Variants in NTN1 observed in about 807,000 individuals in gnomAD.
NTN1 encodes the protein netrin 1.
Under a neutral mutation model 54.2 loss-of-function variants are expected in NTN1, and 11 were observed. The ratio of observed to expected loss-of-function variants is 0.20; its 90% CI spans 0.13 to 0.34. The LOEUF is 0.34. Among genes scored for constraint, NTN1 ranks in the 10% least tolerant of loss-of-function variants. The pLI is 1.00. For missense variants in NTN1, 740 were observed against 893.1 expected (o/e 0.83, Z 2.18); for synonymous variants, 371 against 382.0 (o/e 0.97, Z 0.33).
intron 4 of NTN1, among the ~76,000 whole-genome samples, chr17:9,180,167 T>C (rs564285922): frequency 4.6e-5 from 7 of 152,378 alleles, no homozygotes; most frequent in African/African-American, 1.4e-4. Context: ...GTCTTCCAAG[T>C]AGCTGGAATT....
At position 9,059,266 on chromosome 17, in the gene NTN1, C is replaced by T. The variant is rs553836878; in HGVS notation, c.1018+35875C>T. The stretch of plus-strand genomic sequence containing the variant: ...TACGCAAATCCTCAAAAATCTGAAC[C>T]TAGAATTGCAGTGTGACCCAGCAAT... On this transcript the variant is annotated intron_variant, in intron 2 of 6. Transcript: ENST00000173229. Among the ~76,000 whole-genome samples the T allele has an allele frequency of 1.2e-3, 189 of 152,192 alleles. 1 individual carries two copies. Among genetic ancestry groups the T allele is most frequent in the African/African-American group, 4.3e-3 (179 of 41,508 alleles).
At chr17:9,238,380 G>A (rs1483155719) in intron 6 of NTN1, among the ~76,000 whole-genome samples, 1 of 152,200 alleles carries the variant, frequency 6.6e-6, no homozygotes, top group Non-Finnish European at 1.5e-5. Context: ...CCCAGTGAAG[G>A]CTACAGTGTG....
chr17:9,172,007 C>G (rs8068648), intron 3 of NTN1, among the ~76,000 whole-genome samples: 125,378 of 151,440 alleles, frequency 0.83, 52,063 homozygotes, highest in East Asian at 1. Flanking sequence ...TCCTGCCTCA[C>G]CCTCCCGAGT....
At chr17:9,016,808 T>C (rs1405134209), upstream of NTN1, among the ~76,000 whole-genome samples, 1 of 152,234 alleles carries the variant, frequency 6.6e-6, no homozygotes, top group Non-Finnish European at 1.5e-5. Context: ...CAACTGTCTC[T>C]TTCTCTAGGT....
the NTN1 span, among the ~76,000 whole-genome samples, chr17:9,008,217 C>T: frequency 6.6e-6 from 1 of 152,128 alleles, no homozygotes; most frequent in African/African-American, 2.4e-5. Flanking sequence ...CTGTCCTGTA[C>T]ATGATCTCTG....
intron 2 of NTN1, among the ~76,000 whole-genome samples, chr17:9,064,899 C>A (rs2092009960): frequency 6.6e-6 from 1 of 152,202 alleles, no homozygotes; most frequent in African/African-American, 2.4e-5. Flanking sequence ...GCTGGCACTA[C>A]AGGTGTGCAC....
At chr17:9,172,867 C>G (rs2092390983) in intron 3 of NTN1, 1 of 146,298 alleles carries the variant, frequency 6.8e-6, no homozygotes, top group African/African-American at 2.6e-5. Flanking sequence ...CAAGATTGCA[C>G]CATTGCACTC....
the NTN1 span, among the ~76,000 whole-genome samples, chr17:9,008,315 G>GTTTA: frequency 1.5e-4 from 22 of 151,670 alleles, no homozygotes; most frequent in Admixed American, 6.6e-4. Context: ...TAATTAATTA[G>GTTTA]TTTATTTATT....
chr17:9,078,152 T>C (rs1458601501), intron 2 of NTN1, among the ~76,000 whole-genome samples: 1 of 152,070 alleles, frequency 6.6e-6, no homozygotes, highest in Non-Finnish European at 1.5e-5. Flanking sequence ...GTGTGCTTGG[T>C]GATGGGAGAG....
intron 3 of NTN1, among the ~76,000 whole-genome samples, chr17:9,166,364 T>G: frequency 7.8e-6 from 1 of 127,994 alleles, no homozygotes; most frequent in East Asian, 2.5e-4. Context: ...TTTTTTGAGA[T>G]GGAGTCTCAC....
At chr17:9,102,947 G>A (rs1444503509) in intron 2 of NTN1, among the ~76,000 whole-genome samples, 1 of 152,196 alleles carries the variant, frequency 6.6e-6, no homozygotes, top group Non-Finnish European at 1.5e-5. Flanking sequence ...CACGATATTG[G>A]CTACCCTGGC....
At chr17:9,039,413 G>A (rs10521156) in intron 2 of NTN1, among the ~76,000 whole-genome samples, 25,889 of 152,066 alleles carry the variant, frequency 0.17, 2,434 homozygotes, top group African/African-American at 0.21. Flanking sequence ...AGGGCTTTTA[G>A]GATATCAGAA....
chr17:9,179,368 G>A (rs1305567230), intron 3 of NTN1, among the ~76,000 whole-genome samples: 1 of 152,196 alleles, frequency 6.6e-6, no homozygotes, highest in Non-Finnish European at 1.5e-5. Flanking sequence ...CATGCCCTGG[G>A]TTGGCAAGAA....
chr17:9,230,628 CG>C (rs1905776402), intron 6 of NTN1, among the ~76,000 whole-genome samples: 1 of 152,068 alleles, frequency 6.6e-6, no homozygotes, highest in Non-Finnish European at 1.5e-5. Context: ...GGTGAGAGCC[CG>C]GTGGGGGCAG....
intron 2 of NTN1, among the ~76,000 whole-genome samples, chr17:9,114,166 A>AAATATATATATATATATATATATATAT (rs1555569108): frequency 1.3e-5 from 1 of 74,654 alleles, no homozygotes; most frequent in Non-Finnish European, 2.5e-5. Flanking sequence ...AAAAAAAAAA[A>AAATATATATATATATATATATATATAT]ATATATATAT....
At chr17:9,126,785 C>T (rs1263779675) in intron 2 of NTN1, among the ~76,000 whole-genome samples, 1 of 152,024 alleles carries the variant, frequency 6.6e-6, no homozygotes. Flanking sequence ...TACTGGGAGT[C>T]GTGGCCTTGA....
At chr17:9,226,469 C>T (rs1395223128) in intron 6 of NTN1, among the ~76,000 whole-genome samples, 3 of 40,794 alleles carry the variant, frequency 7.4e-5, no homozygotes, top group South Asian at 9.1e-4. Context: ...CGTGGGGAGG[C>T]TGTCTCGTGG....
At chr17:9,137,917 G>A (rs963036069) in intron 2 of NTN1, among the ~76,000 whole-genome samples, 1 of 152,230 alleles carries the variant, frequency 6.6e-6, no homozygotes, top group African/African-American at 2.4e-5. Context: ...TTTCGGGATG[G>A]CCAGGCCAGG....
intron 2 of NTN1, among the ~76,000 whole-genome samples, chr17:9,111,422 T>G (rs977279141): frequency 6.6e-6 from 1 of 151,966 alleles, no homozygotes; most frequent in Non-Finnish European, 1.5e-5. Flanking sequence ...AGTGTAGGTG[T>G]GTGTGGTGGT....
Sources: gnomAD v4.1 joint callset for allele counts (sites outside exome capture counted in the v4.1 genomes callset) on GRCh38, gnomAD v4.1.1 for gene constraint, MANE v1.5 for transcripts, NCBI Gene and HGNC (gene_info 2026-07-23, HGNC 2026-07-21) for gene names.